NRXN1: variants seen among roughly 807,000 people sequenced by gnomAD.
The protein encoded by NRXN1 is neurexin 1.
In NRXN1, 39 loss-of-function variants were observed where a neutral mutation model predicts 150.9. That is an observed-to-expected ratio of 0.26 (90% CI 0.20 to 0.34). The LOEUF (loss-of-function observed/expected upper bound fraction) is 0.34, where lower values mean the gene tolerates loss of function less well. NRXN1 is among the 10% of genes least tolerant of loss of function. The pLI, the probability that NRXN1 is intolerant of heterozygous loss-of-function variation, is 1.00. For missense variants in NRXN1, 1,815 were observed against 1,949.9 expected (o/e 0.93, Z 1.30); for synonymous variants, 924 against 757.0 (o/e 1.22, Z -3.62).
chr2:50,841,951 C>T (rs745336166), intron 5 of NRXN1, among the ~76,000 whole-genome samples: 33 of 152,154 alleles, frequency 2.2e-4, no homozygotes, highest in Non-Finnish European at 2.6e-4. Context: ...CATTGACACA[C>T]CTAAGTTTCA....
Position 50,556,688 on chromosome 2 carries a change from A to C in NRXN1, c.1321-3663T>G, listed in dbSNP as rs192449453. ...CCTAGGGTTTACCTTTGAGGAAAAC[A>C]ATCACTGAGTATTATCTTTGATCTT... On this transcript the variant is annotated intron_variant, in intron 8 of 22. Coordinates refer to ENST00000401669, the MANE Select transcript of NRXN1 (RefSeq NM_001330078.2). Among the ~76,000 whole-genome samples, 3 of 152,280 alleles carry C rather than the reference A, an allele frequency of 2.0e-5. 1 individual carries two copies. The highest frequency in any genetic ancestry group is 2.0e-4 in the Admixed American group (3 of 15,294).
At chr2:50,383,385 A>T (rs1390435597) in intron 17 of NRXN1, among the ~76,000 whole-genome samples, 1 of 152,190 alleles carries the variant, frequency 6.6e-6, no homozygotes, top group Non-Finnish European at 1.5e-5. Flanking sequence ...AGCTGCTACC[A>T]TTAAGAGGAA....
At chr2:50,741,053 C>T (rs1281260413) in intron 5 of NRXN1, among the ~76,000 whole-genome samples, 1 of 152,134 alleles carries the variant, frequency 6.6e-6, no homozygotes, top group Non-Finnish European at 1.5e-5. Context: ...CTATGACTTA[C>T]TGCACGCAGA....
chr2:50,244,452 T>C (rs760894248), intron 17 of NRXN1, among the ~76,000 whole-genome samples: 9 of 151,940 alleles, frequency 5.9e-5, no homozygotes, highest in Non-Finnish European at 1.2e-4. Context: ...GAGATTGTGC[T>C]GATTTGAATA....
At chr2:50,109,092 G>T (rs899468929) in intron 18 of NRXN1, among the ~76,000 whole-genome samples, 1 of 152,104 alleles carries the variant, frequency 6.6e-6, no homozygotes, top group East Asian at 1.9e-4. Flanking sequence ...TAATTTTTTG[G>T]CAAGTGTTTC....
intron 2 of NRXN1, among the ~76,000 whole-genome samples, chr2:50,966,184 T>G (rs1694038755): frequency 6.6e-6 from 1 of 151,722 alleles, no homozygotes; most frequent in Admixed American, 6.6e-5. Flanking sequence ...AATTCATTTA[T>G]CTCTAAAGTA....
At chr2:50,211,929 A>T (rs2063044916) in intron 18 of NRXN1, among the ~76,000 whole-genome samples, 1 of 151,610 alleles carries the variant, frequency 6.6e-6, no homozygotes, top group Admixed American at 6.6e-5. Flanking sequence ...GCTGTAATGT[A>T]CTCTACACAA....
In NRXN1 at chr2:50,873,679, C is replaced by A. The variant is rs532454820; in HGVS notation, c.832+48190G>T. On this transcript the variant is annotated intron_variant, in intron 5 of 22. Coordinates refer to ENST00000401669, the MANE Select transcript of NRXN1 (RefSeq NM_001330078.2). ...AATATACAAATTGCTTGATAAACTG[C>A]AAAAGATTGAGTAATTTTTCAAAAC... 2.0e-5 allele frequency among the ~76,000 whole-genome samples: 3 copies of A among 151,880 alleles called. No homozygotes were observed. In the East Asian group the frequency reaches 5.9e-4, roughly 30 times the overall value.
chr2:50,694,174 G>A (rs932528149), intron 5 of NRXN1, among the ~76,000 whole-genome samples: 3 of 152,112 alleles, frequency 2.0e-5, no homozygotes, highest in African/African-American at 7.2e-5. Context: ...AAAATAATGG[G>A]TACCAAATAG....
At chr2:50,052,807 A>C (rs1297289977) in intron 21 of NRXN1, among the ~76,000 whole-genome samples, 1 of 24,666 alleles carries the variant, frequency 4.1e-5, no homozygotes, top group African/African-American at 1.2e-4. Context: ...GCTGGCTATC[A>C]ATTCAAAACT....
chr2:50,828,315 A>G lies in NRXN1; in HGVS notation c.832+93554T>C, dbSNP rs866098550. ...CTCCCGGACGGGGCGGCTGGCCGGG[A>G]GGGGGCTGAACCCCCCGCCTCCCTC... On this transcript the variant is annotated intron_variant, in intron 5 of 22. Coordinates refer to ENST00000401669, the MANE Select transcript of NRXN1 (RefSeq NM_001330078.2). Among the ~76,000 whole-genome samples, 6 of 142,400 alleles carry G rather than the reference A, an allele frequency of 4.2e-5. 1 individual carries two copies. Among genetic ancestry groups the G allele is most frequent in the African/African-American group, 1.5e-4 (6 of 38,956 alleles). The allele number at this position is 142,400 out of a possible 152,430, so 93.4% of individuals were successfully genotyped here.
At chr2:50,263,157 T>TACACACAC (rs58442373) in intron 17 of NRXN1, among the ~76,000 whole-genome samples, 24 of 147,350 alleles carry the variant, frequency 1.6e-4, no homozygotes, top group East Asian at 8.3e-4. Flanking sequence ...AAAACACACA[T>TACACACAC]ACACACACAC....
At chr2:50,905,611 GTTCT>G (rs1330096954) in intron 5 of NRXN1, among the ~76,000 whole-genome samples, 2 of 151,936 alleles carry the variant, frequency 1.3e-5, no homozygotes, top group Non-Finnish European at 2.9e-5. Context: ...TAATGACACT[GTTCT>G]TTCTTTCAGG....
intron 17 of NRXN1, among the ~76,000 whole-genome samples, chr2:50,313,970 A>G (rs1406371201): frequency 6.6e-6 from 1 of 152,130 alleles, no homozygotes; most frequent in East Asian, 1.9e-4. Flanking sequence ...GTCTGACAGC[A>G]CATAATGTAG....
At chr2:50,258,996 T>C (rs893467826) in intron 17 of NRXN1, among the ~76,000 whole-genome samples, 10 of 152,030 alleles carry the variant, frequency 6.6e-5, no homozygotes, top group African/African-American at 1.4e-4. Context: ...GTTTCATTTA[T>C]AGAGCACAGG....
At position 50,252,314 on chromosome 2, in the gene NRXN1, C is replaced by A. The variant is rs1390944864; in HGVS notation, c.3365-15344G>T. On this transcript the variant is annotated intron_variant, in intron 17 of 22. Coordinates refer to ENST00000401669, the MANE Select transcript of NRXN1 (RefSeq NM_001330078.2). ...TCCCTCTATCACCCAGGCTGGAATG[C>A]AGTGCGTGATCTTGGCTCACTGCAA... 9.0e-5 allele frequency among the ~76,000 whole-genome samples: 11 copies of A among 122,458 alleles called. No homozygotes were observed. In the Admixed American group the frequency reaches 9.8e-4, roughly 11 times the overall value. 80.3% of individuals were successfully genotyped at this position (122,458 alleles called of 152,430 possible).
intron 5 of NRXN1, among the ~76,000 whole-genome samples, chr2:50,633,513 T>A (rs544058399): frequency 6.7e-6 from 1 of 149,918 alleles, no homozygotes; most frequent in East Asian, 2.0e-4. Flanking sequence ...TTTGGTTTAT[T>A]TTGTTTTGTT....
At chr2:51,012,493 T>C (rs1387727983) in intron 2 of NRXN1, among the ~76,000 whole-genome samples, 2 of 152,068 alleles carry the variant, frequency 1.3e-5, no homozygotes. Flanking sequence ...GTAGCACACA[T>C]GTGTACCTTA....
chr2:49,922,575 C>T (rs550122850), intron 22 of NRXN1, among the ~76,000 whole-genome samples: 1 of 152,100 alleles, frequency 6.6e-6, no homozygotes, highest in South Asian at 2.1e-4. Flanking sequence ...ACCCACAAAC[C>T]CAGCATAAAG....
Sources: gnomAD v4.1 joint callset for allele counts (sites outside exome capture counted in the v4.1 genomes callset) on GRCh38, gnomAD v4.1.1 for gene constraint, MANE v1.5 for transcripts, NCBI Gene and HGNC (gene_info 2026-07-23, HGNC 2026-07-21) for gene names.